Variants in B3GALT5 observed in about 807,000 individuals in gnomAD.
B3GALT5 encodes the protein beta-1,3-galactosyltransferase 5, also known as UDP-Gal:betaGlcNAc beta 1,3-galactosyltransferase, polypeptide 5.
For synonymous variants in B3GALT5, 156 were observed against 158.6 expected, an observed-to-expected ratio of 0.98 and a Z score of 0.12; for missense variants, 328 against 396.6, an observed-to-expected ratio of 0.83 and a Z score of 1.47.
chr21:39,641,800 T>C (rs1475346968), intron 1 of B3GALT5, among the ~76,000 whole-genome samples: 1 of 152,242 alleles, frequency 6.6e-6, no homozygotes, highest in Non-Finnish European at 1.5e-5. Context: ...CTCTTTCTCC[T>C]GGTCTCTCTC....
At position 39,672,307 on chromosome 21, in the gene B3GALT5, ATAGATGACT is replaced by A. The variant is rs1434871860; in HGVS notation, c.*10817_*10825del. On this transcript the variant is annotated 3_prime_UTR_variant, in exon 4 of 4. Coordinates refer to ENST00000684187, the MANE Select transcript of B3GALT5 (RefSeq NM_001356336.2). Reference sequence around the variant, plus strand: ...GGCTCCAGAGAGTATCAGATGGGAAATAGATGACTTGTTTTACCTGGTCAAATAAGACAT... The same window carrying A: ...GGCTCCAGAGAGTATCAGATGGGAAATGTTTTACCTGGTCAAATAAGACAT... 7 of 152,252 alleles carry A rather than the reference ATAGATGACT, an allele frequency of 4.6e-5. No individual in the cohort carries two copies. Among genetic ancestry groups the A allele is most frequent in the African/African-American group, 1.7e-4 (7 of 41,484 alleles). 9.4% of individuals were successfully genotyped at this position (152,252 alleles called of 1,614,324 possible). A position where few individuals can be genotyped will look rare whatever the true frequency, so the allele number is the denominator to read the frequency against.
intron 1 of B3GALT5, among the ~76,000 whole-genome samples, chr21:39,642,332 A>G (rs568840611): frequency 2.6e-5 from 4 of 152,240 alleles, no homozygotes; most frequent in Non-Finnish European, 4.4e-5. Context: ...TAAAGTTAGT[A>G]ATAAATGGTA....
chr21:39,661,130 A>G lies in B3GALT5; in HGVS notation c.571A>G (p.Ile191Val). The change falls in exon 4 of 4, where the codon ATC becomes GTC. Residue 191 changes from isoleucine (I) to valine (V), a missense_variant. Coordinates refer to ENST00000684187, the MANE Select transcript of B3GALT5 (RefSeq NM_001356336.2). The surrounding 1 kb of genome is among the most constrained non-coding windows in gnomAD (Gnocchi z 4.7). ...CTTCTTGAAACTCAATGAGTTTCCC[A>G]TCAGGCAGCCATTCAGCAAGTGGTT... is the stretch of plus-strand genomic sequence containing the variant. The part of the protein sequence containing the change: ...TGFLKLNEFP[I>V]RQPFSKWFVS... The G allele has an allele frequency of 3.1e-6, 5 of 1,614,106 alleles. No homozygotes were observed. The highest frequency in any genetic ancestry group is 1.1e-5 in the South Asian group (1 of 91,080).
chr21:39,643,030 C>T (rs536344895), intron 1 of B3GALT5, among the ~76,000 whole-genome samples: 3 of 149,418 alleles, frequency 2.0e-5, no homozygotes, highest in East Asian at 3.9e-4. Flanking sequence ...CCAGCCTGGG[C>T]GAAAGAGTGA....
rs1409209915 is a variant in B3GALT5 at position 39,668,320 on chromosome 21, C to G, written c.*6828C>G. The G allele has an allele frequency of 6.6e-6, 1 of 152,242 alleles. No individual in the cohort carries two copies. The highest frequency in any genetic ancestry group is 1.5e-5 in the Non-Finnish European group (1 of 68,054). The allele number at this position is 152,242 out of a possible 1,614,324, so 9.4% of individuals were successfully genotyped here. ...CCAGGCCAGCCTCTGTGACCTGAGA[C>G]TCCAAGACCACCATTGCAGACCCAG... is the stretch of plus-strand genomic sequence containing the variant. On this transcript the variant is annotated 3_prime_UTR_variant, in exon 4 of 4. Coordinates refer to ENST00000684187, the MANE Select transcript of B3GALT5 (RefSeq NM_001356336.2).
intron 1 of B3GALT5, among the ~76,000 whole-genome samples, chr21:39,639,473 TC>T (rs2079271887): frequency 1.4e-5 from 2 of 142,718 alleles, no homozygotes; most frequent in Non-Finnish European, 3.1e-5. Context: ...TCTCTCTCTC[TC>T]TCTCTTTCTT....
rs1230708206 is a variant in B3GALT5 at position 39,661,687 on chromosome 21, A to C, written c.*195A>C. ...GCAATAATAGGCCCGTCTCTTGGGCACGCACACTCTTCATACTAAGTGTTT... is the reference window on the plus strand; with the variant it reads ...GCAATAATAGGCCCGTCTCTTGGGCCCGCACACTCTTCATACTAAGTGTTT... On this transcript the variant is annotated 3_prime_UTR_variant, in exon 4 of 4. Transcript: ENST00000684187. The surrounding 1 kb of genome is among the most constrained non-coding windows in gnomAD (Gnocchi z 4.7). 3 of 523,922 alleles carry C rather than the reference A, an allele frequency of 5.7e-6. No homozygotes were observed. Among genetic ancestry groups the C allele is most frequent in the African/African-American group, 3.8e-5 (2 of 52,392 alleles). 32.5% of individuals were successfully genotyped at this position (523,922 alleles called of 1,614,324 possible).
rs1214642250 is a variant in B3GALT5 at position 39,664,827 on chromosome 21, C to T, written c.*3335C>T. 2 of 152,886 alleles carry T rather than the reference C, an allele frequency of 1.3e-5. No individual in the cohort carries two copies. The highest frequency in any genetic ancestry group is 6.6e-5 in the Admixed American group (1 of 15,258). 9.5% of individuals were successfully genotyped at this position (152,886 alleles called of 1,614,324 possible). On this transcript the variant is annotated 3_prime_UTR_variant, in exon 4 of 4. Coordinates refer to ENST00000684187, the MANE Select transcript of B3GALT5 (RefSeq NM_001356336.2). ...GACACCGGGTGCTCTTGGTCTCCCT[C>T]CTCCTTGCTGCTCGCCTTTTCCATC...
At chr21:39,651,826 G>A (rs1534080) in intron 2 of B3GALT5, among the ~76,000 whole-genome samples, 76,934 of 152,020 alleles carry the variant, frequency 0.51, 19,640 homozygotes, top group Middle Eastern at 0.57. Context: ...GAGGCGATGA[G>A]GAAGTGTGTA....
chr21:39,656,964 G>A (rs2079451404), intron 2 of B3GALT5, among the ~76,000 whole-genome samples: 2 of 152,224 alleles, frequency 1.3e-5, no homozygotes, highest in Admixed American at 1.3e-4. Flanking sequence ...CAGGCACTAT[G>A]GCCAGAAGGG....
intron 1 of B3GALT5, among the ~76,000 whole-genome samples, chr21:39,635,438 G>A (rs2079220460): frequency 6.6e-6 from 1 of 152,138 alleles, no homozygotes; most frequent in African/African-American, 2.4e-5. Context: ...GTTTGTTATT[G>A]TGTCTGTACT....
intron 2 of B3GALT5, chr21:39,657,712 C>T (rs923481949): frequency 6.3e-6 from 3 of 478,490 alleles, no homozygotes; most frequent in African/African-American, 6.0e-5. Context: ...TACCTACCTG[C>T]CTATCTATCT....
intron 1 of B3GALT5, among the ~76,000 whole-genome samples, chr21:39,626,911 A>G (rs2079166936): frequency 1.3e-5 from 2 of 152,120 alleles, no homozygotes; most frequent in Non-Finnish European, 2.9e-5. Flanking sequence ...TAGGCCAATC[A>G]TTATTCTCCA....
intron 2 of B3GALT5, among the ~76,000 whole-genome samples, chr21:39,649,651 AC>A (rs914159051): frequency 2.2e-4 from 29 of 133,632 alleles, no homozygotes; most frequent in South Asian, 9.8e-4. Context: ...CTAAGAGGAG[AC>A]CCCAGGGGCG....
intron 1 of B3GALT5, among the ~76,000 whole-genome samples, chr21:39,634,628 C>T (rs2079214296): frequency 6.6e-6 from 1 of 152,054 alleles, no homozygotes; most frequent in African/African-American, 2.4e-5. Flanking sequence ...CTGTGCAGGC[C>T]AGCATTTGCA....
At chr21:39,651,220 CTGTCTT>C (rs1372049444) in intron 2 of B3GALT5, among the ~76,000 whole-genome samples, 5 of 152,360 alleles carry the variant, frequency 3.3e-5, no homozygotes, top group Middle Eastern at 3.4e-3. Context: ...AATATAGGCA[CTGTCTT>C]AGTTCCCTGC....
At position 39,663,379 on chromosome 21, in the gene B3GALT5, C is replaced by T. The variant is rs1221400362; in HGVS notation, c.*1887C>T. The T allele has an allele frequency of 1.3e-5, 2 of 152,372 alleles. No homozygotes were observed. Among genetic ancestry groups the T allele is most frequent in the East Asian group, 1.9e-4 (1 of 5,178 alleles). The allele number at this position is 152,372 out of a possible 1,614,324, so 9.4% of individuals were successfully genotyped here. A position where few individuals can be genotyped will look rare whatever the true frequency, so the allele number is the denominator to read the frequency against. On this transcript the variant is annotated 3_prime_UTR_variant, in exon 4 of 4. Transcript: ENST00000684187. The stretch of plus-strand genomic sequence containing the variant: ...AGCTCCAGGGACAAATGAGGACAGG[C>T]GTGGGCTCTCCCTACTGCTTCTGTG...
chr21:39,639,389 TCC>T (rs1445156902), intron 1 of B3GALT5, among the ~76,000 whole-genome samples: 37 of 122,454 alleles, frequency 3.0e-4, no homozygotes, highest in African/African-American at 1.1e-3. Context: ...CTTCCTTCCT[TCC>T]TTCTTTCTTT....
chr21:39,624,859 T>A (rs1260752164), intron 1 of B3GALT5, among the ~76,000 whole-genome samples: 1 of 152,150 alleles, frequency 6.6e-6, no homozygotes, highest in African/African-American at 2.4e-5. Context: ...TAGTTTTTTT[T>A]TTTTCTTTCC....
Sources: allele counts gnomAD v4.1 joint callset (sites outside exome capture counted in the v4.1 genomes callset), GRCh38; gene constraint gnomAD v4.1.1; non-coding constraint Gnocchi (gnomAD v3.1); transcripts MANE v1.5; gene names NCBI Gene and HGNC (gene_info 2026-07-23, HGNC 2026-07-21).